The following MATR3 variants were observed in gnomAD, a reference collection of about 807,000 sequenced individuals.
The protein encoded by MATR3 is matrin 3.
Under a neutral mutation model 85.5 loss-of-function variants are expected in MATR3, and 4 were observed. That is an observed-to-expected ratio of 0.05 (90% CI 0.02 to 0.11). The LOEUF (loss-of-function observed/expected upper bound fraction) is 0.11. Ranked by LOEUF, MATR3 falls within the 10% of genes least tolerant of loss-of-function variation. The pLI is 1.00. For missense variants in MATR3, 685 were observed against 1,016.1 expected, an observed-to-expected ratio of 0.67 and a Z score of 4.43; for synonymous variants, 336 against 343.1, an observed-to-expected ratio of 0.98 and a Z score of 0.23.
At chr5:139,305,812 T>A (rs1365877285) in intron 1 of MATR3, among the ~76,000 whole-genome samples, 1 of 152,212 alleles carries the variant, frequency 6.6e-6, no homozygotes, top group Non-Finnish European at 1.5e-5. Flanking sequence ...TTTCTGTGTC[T>A]TTTAAAACTT....
intron 14 of MATR3, among the ~76,000 whole-genome samples, chr5:139,327,415 A>G (rs905327050): frequency 5.9e-5 from 9 of 151,902 alleles, no homozygotes; most frequent in African/African-American, 2.2e-4. Context: ...GCAATGTAGT[A>G]CAAATTATTT....
chr5:139,278,672 C>T (rs536255935), intron 2 of MATR3: 6 of 405,720 alleles, frequency 1.5e-5, no homozygotes, highest in Admixed American at 2.7e-5. Flanking sequence ...ACAGGGTCTG[C>T]AATTAGTGCT....
intron 3 of MATR3, chr5:139,315,009 AAGAT>A (rs2151981194): frequency 7.5e-6 from 3 of 400,860 alleles, no homozygotes; most frequent in South Asian, 6.7e-5. Flanking sequence ...GACATAGTGA[AAGAT>A]AGTATTTGAT....
chr5:139,327,323 A>T (rs182373956), intron 14 of MATR3, among the ~76,000 whole-genome samples: 78 of 148,814 alleles, frequency 5.2e-4, no homozygotes, highest in African/African-American at 1.9e-3. Flanking sequence ...TTTTTTTTTA[A>T]ATGTAACTGC....
intron 1 of MATR3, 124 bp downstream of exon 1, chr5:139,293,929 C>T (rs932330278): frequency 2.2e-5 from 27 of 1,212,308 alleles, no homozygotes; most frequent in East Asian, 6.3e-5. Flanking sequence ...TGCTCGCTCC[C>T]GCTCTGCCTC....
At chr5:139,314,176 C>G (rs1326419481) in intron 2 of MATR3, 2 of 166,784 alleles carry the variant, frequency 1.2e-5, no homozygotes, top group Non-Finnish European at 2.6e-5. Context: ...CTCAGCCTCC[C>G]AAAGTGTTGG....
chr5:139,276,075 C>T, intron 1 of MATR3: 1 of 456,748 alleles, frequency 2.2e-6, no homozygotes, highest in Non-Finnish European at 4.4e-6. Flanking sequence ...CTGAGCTGCA[C>T]ACGTGTTCAC....
intron 1 of MATR3, among the ~76,000 whole-genome samples, chr5:139,304,750 T>A (rs921440568): frequency 6.6e-6 from 1 of 152,216 alleles, no homozygotes. Context: ...CAGTTTCCTA[T>A]AGAAAGGCAA....
At chr5:139,283,728 A>C (rs1471359053) in intron 3 of MATR3, 1 of 152,260 alleles carries the variant, frequency 6.6e-6, no homozygotes, top group African/African-American at 2.4e-5. Context: ...GTTCTTGCTT[A>C]TCTTGCTATG....
chr5:139,318,904 T>A lies in MATR3; in HGVS notation c.1309-4T>A, dbSNP rs1388357401. 12 of 1,614,016 alleles carry A rather than the reference T, an allele frequency of 7.4e-6. No homozygotes were observed. The South Asian group carries it at 9.9e-5, about 13-fold the overall frequency. On this transcript the variant is annotated splice_polypyrimidine_tract_variant and splice_region_variant and intron_variant, in intron 7 of 14. Transcript: ENST00000394805. The stretch of plus-strand genomic sequence containing the variant: ...CAGAGAAATAACTTTTTGTATAATT[T>A]CAGGCATTTATTGAAATGGCAACCA...
chr5:139,319,100 T>C, intron 8 of MATR3, 67 bp downstream of exon 8: 2 of 1,517,416 alleles, frequency 1.3e-6, no homozygotes, highest in Non-Finnish European at 1.8e-6. Context: ...TTAACTGTGG[T>C]TATTTCAAAT....
chr5:139,288,816 G>A (rs1242262665), upstream of MATR3, among the ~76,000 whole-genome samples: 1 of 151,848 alleles, frequency 6.6e-6, no homozygotes, highest in African/African-American at 2.4e-5. Flanking sequence ...AATTTTTTTT[G>A]TATTTTTAGT....
chr5:139,281,356 G>GTTTTTTTTTTTTTTT (rs1371325133), intron 3 of MATR3, among the ~76,000 whole-genome samples: 6 of 101,068 alleles, frequency 5.9e-5, no homozygotes, highest in East Asian at 3.0e-4. Flanking sequence ...TTTTTTTTTT[G>GTTTTTTTTTTTTTTT]TTTTTTTTTT....
intron 1 of MATR3, among the ~76,000 whole-genome samples, chr5:139,301,187 G>A (rs903073539): frequency 2.6e-5 from 4 of 152,092 alleles, no homozygotes; most frequent in East Asian, 1.9e-4. Context: ...TTGGCTCAAG[G>A]TCACACAGCT....
At chr5:139,290,067 A>G (rs1413659063), upstream of MATR3, among the ~76,000 whole-genome samples, 1 of 151,976 alleles carries the variant, frequency 6.6e-6, no homozygotes, top group Admixed American at 6.6e-5. Flanking sequence ...ATATATACAT[A>G]TATTTGCTTT....
chr5:139,275,977 A>G (rs1377611149), intron 1 of MATR3: 7 of 452,270 alleles, frequency 1.5e-5, no homozygotes, highest in African/African-American at 1.4e-4. Flanking sequence ...ATGAAAACAA[A>G]GCTAAACAAG....
chr5:139,324,294 T>TTG (rs1755730881), intron 12 of MATR3, among the ~76,000 whole-genome samples: 1 of 145,258 alleles, frequency 6.9e-6, no homozygotes, highest in Non-Finnish European at 1.5e-5. Flanking sequence ...ATGATTGTTT[T>TTG]TTTTTTTTTT....
chr5:139,294,177 C>G, intron 1 of MATR3: 1 of 715,436 alleles, frequency 1.4e-6, no homozygotes, highest in Non-Finnish European at 2.0e-6. Flanking sequence ...CCGTTACACG[C>G]GGGCCGCGGC....
intron 12 of MATR3, among the ~76,000 whole-genome samples, chr5:139,324,479 C>T (rs560192670): frequency 3.3e-5 from 5 of 151,998 alleles, no homozygotes; most frequent in East Asian, 3.9e-4. Context: ...TTAGTAGAAA[C>T]GAGGTTTCGC....
Sources: allele counts gnomAD v4.1 joint callset (sites outside exome capture counted in the v4.1 genomes callset), GRCh38; gene constraint gnomAD v4.1.1; transcripts MANE v1.5; gene names NCBI Gene and HGNC (gene_info 2026-07-23, HGNC 2026-07-21).